The following STAG1 variants were observed in gnomAD, a reference collection of about 807,000 sequenced individuals.
STAG1 encodes the protein STAG1 cohesin complex component.
Under a neutral mutation model 170.9 loss-of-function variants are expected in STAG1, and 26 were observed. The observed-to-expected ratio is 0.15, with a 90% CI of 0.11 to 0.21. The LOEUF is 0.21. Ranked by LOEUF, STAG1 falls within the 10% of genes least tolerant of loss-of-function variation. The pLI is 1.00. For missense variants in STAG1, 964 were observed against 1,509.5 expected (o/e 0.64, Z 5.99); for synonymous variants, 514 against 497.7 (o/e 1.03, Z -0.44).
intron 1 of STAG1, among the ~76,000 whole-genome samples, chr3:136,722,641 C>T (rs112153652): frequency 2.2e-4 from 32 of 143,330 alleles, no homozygotes; most frequent in African/African-American, 8.1e-4. Context: ...TCCCTCTCCC[C>T]CTCCCTCTCC....
At position 136,559,833 on chromosome 3, in the gene STAG1, T is replaced by C. The variant is rs188994548; in HGVS notation, c.394+8932A>G. Among the ~76,000 whole-genome samples the C allele has an allele frequency of 7.0e-3, 1,071 of 152,280 alleles. 15 individuals are homozygous for C. The highest frequency in any genetic ancestry group is 0.024 in the African/African-American group (990 of 41,564). ...AATATAAAACAGGAAATGAAGATAA[T>C]TTCAAAATGTGAGAAGCTATACAAT... is the stretch of plus-strand genomic sequence containing the variant. On this transcript the variant is annotated intron_variant, in intron 5 of 33. Transcript: ENST00000383202.
intron 6 of STAG1, among the ~76,000 whole-genome samples, chr3:136,522,766 T>C (rs577113045): frequency 7.4e-6 from 1 of 134,588 alleles, no homozygotes; most frequent in Admixed American, 8.6e-5. Flanking sequence ...TCCCTTCCTG[T>C]GTCCAAGTGT....
chr3:136,565,011 A>AAGGCAGGCAGGCAGGC (rs1553746573), intron 5 of STAG1, among the ~76,000 whole-genome samples: 13 of 45,448 alleles, frequency 2.9e-4, no homozygotes, highest in African/African-American at 8.8e-4. Flanking sequence ...GGAAGGAAGG[A>AAGGCAGGCAGGCAGGC]AGGCAGGCAG....
At chr3:136,557,107 C>G (rs185412089) in intron 5 of STAG1, among the ~76,000 whole-genome samples, 1 of 151,622 alleles carries the variant, frequency 6.6e-6, no homozygotes, top group Admixed American at 6.6e-5. Context: ...AGTGGTGGTG[C>G]GTGCCTGTAG....
At chr3:136,376,499 T>C (rs371542799) in intron 23 of STAG1, among the ~76,000 whole-genome samples, 1 of 152,046 alleles carries the variant, frequency 6.6e-6, no homozygotes, top group Admixed American at 6.5e-5. Context: ...ATTGTCCAAG[T>C]ATAGGGACTC....
intron 26 of STAG1, among the ~76,000 whole-genome samples, chr3:136,362,605 C>CAA (rs1237413699): frequency 1.2e-3 from 50 of 42,376 alleles, no homozygotes; most frequent in African/African-American, 3.8e-3. Context: ...ATCATCTCTG[C>CAA]AAAAAAAAAA....
intron 1 of STAG1, among the ~76,000 whole-genome samples, chr3:136,729,623 A>G (rs943809659): frequency 2.4e-5 from 3 of 126,174 alleles, no homozygotes; most frequent in Non-Finnish European, 4.7e-5. Context: ...CCCAGGCTGG[A>G]GTACAATGAC....
chr3:136,379,636 G>A (rs1383594267), intron 22 of STAG1, among the ~76,000 whole-genome samples: 1 of 152,146 alleles, frequency 6.6e-6, no homozygotes, highest in African/African-American at 2.4e-5. Flanking sequence ...TTGAATCTGG[G>A]AGGCAGAGGT....
intron 16 of STAG1, among the ~76,000 whole-genome samples, chr3:136,425,120 G>A (rs1011070040): frequency 3.3e-5 from 5 of 152,168 alleles, no homozygotes; most frequent in Admixed American, 3.3e-4. Context: ...TTACAGGCAT[G>A]AGCCACCATG....
chr3:136,613,300 T>C, intron 3 of STAG1, among the ~76,000 whole-genome samples: 1 of 90,450 alleles, frequency 1.1e-5, no homozygotes, highest in Admixed American at 1.8e-4. Context: ...GTGAACAGAG[T>C]GAGACTCCGT....
intron 2 of STAG1, among the ~76,000 whole-genome samples, chr3:136,624,903 T>C (rs1336355426): frequency 6.6e-6 from 1 of 152,230 alleles, no homozygotes; most frequent in Admixed American, 6.5e-5. Context: ...AGAGCATAAA[T>C]AGTAACATGA....
At chr3:136,454,944 A>G (rs952484147) in intron 13 of STAG1, among the ~76,000 whole-genome samples, 4 of 152,196 alleles carry the variant, frequency 2.6e-5, no homozygotes, top group Non-Finnish European at 4.4e-5. Context: ...AGCTTATTTA[A>G]GATTTTCTAA....
At chr3:136,687,831 G>A (rs1942586934) in intron 1 of STAG1, among the ~76,000 whole-genome samples, 1 of 151,764 alleles carries the variant, frequency 6.6e-6, no homozygotes, top group South Asian at 2.1e-4. Context: ...CCACCTCCTG[G>A]GTTCAAGTGA....
intron 5 of STAG1, among the ~76,000 whole-genome samples, chr3:136,544,138 T>C (rs764154071): frequency 3.9e-5 from 6 of 152,168 alleles, no homozygotes; most frequent in Non-Finnish European, 7.3e-5. Flanking sequence ...CTAAACACCC[T>C]GTTCAAAATG....
At chr3:136,663,259 T>C (rs976420044) in intron 1 of STAG1, among the ~76,000 whole-genome samples, 8 of 152,244 alleles carry the variant, frequency 5.3e-5, no homozygotes, top group African/African-American at 1.4e-4. Flanking sequence ...ATGCTTAATA[T>C]AAGCCAGGAA....
At chr3:136,699,187 G>A (rs766863926) in intron 1 of STAG1, among the ~76,000 whole-genome samples, 12 of 152,040 alleles carry the variant, frequency 7.9e-5, no homozygotes, top group African/African-American at 1.4e-4. Context: ...TCCATGTAAC[G>A]AAAAATCACC....
At chr3:136,441,599 T>C (rs1368687721) in intron 15 of STAG1, among the ~76,000 whole-genome samples, 2 of 152,160 alleles carry the variant, frequency 1.3e-5, no homozygotes, top group African/African-American at 4.8e-5. Context: ...CCAGAATAGA[T>C]AATACAAATT....
At chr3:136,388,075 A>G (rs1195164028) in intron 22 of STAG1, among the ~76,000 whole-genome samples, 1 of 152,226 alleles carries the variant, frequency 6.6e-6, no homozygotes, top group East Asian at 1.9e-4. Flanking sequence ...TGGTTTGAGC[A>G]GGGGAGAAGA....
Position 136,337,010 on chromosome 3 carries a change from G to T in STAG1, c.*1244C>A, listed in dbSNP as rs900119776. Reference sequence around the variant, plus strand: ...AAAACAATAGCAGCAAGTCATAAAAGTCTAGGCAGAATGTAACTCTAAACC... The same window carrying T: ...AAAACAATAGCAGCAAGTCATAAAATTCTAGGCAGAATGTAACTCTAAACC... On this transcript the variant is annotated 3_prime_UTR_variant, in exon 34 of 34. Coordinates refer to ENST00000383202, the MANE Select transcript of STAG1 (RefSeq NM_005862.3). 5.2e-5 allele frequency: 8 copies of T among 152,472 alleles called. No homozygotes were observed. The highest frequency in any genetic ancestry group is 1.9e-4 in the African/African-American group (8 of 41,442). The allele number at this position is 152,472 out of a possible 1,614,324, so 9.4% of individuals were successfully genotyped here.
Sources: gnomAD v4.1 joint callset for allele counts (sites outside exome capture counted in the v4.1 genomes callset) on GRCh38, gnomAD v4.1.1 for gene constraint, MANE v1.5 for transcripts, NCBI Gene and HGNC (gene_info 2026-07-23, HGNC 2026-07-21) for gene names.